The following TANGO6 variants were observed in gnomAD, a reference collection of about 807,000 sequenced individuals.
TANGO6 encodes transport and Golgi organization protein 6 homolog.
TANGO6 carries 90 observed loss-of-function variants against 114.2 expected under a neutral mutation model. The observed-to-expected ratio is 0.79, with a 90% CI of 0.66 to 0.94. TANGO6 has a LOEUF of 0.94. TANGO6 is among the 40% of genes least tolerant of loss of function. The pLI, the probability that TANGO6 is intolerant of heterozygous loss-of-function variation, is 0.00. For synonymous variants in TANGO6, 477 were observed against 509.8 expected (o/e 0.94, Z 0.87); for missense variants, 1,274 against 1,315.3 (o/e 0.97, Z 0.49).
chr16:68,973,775 T>C (rs1285749817), intron 14 of TANGO6: 2 of 493,096 alleles, frequency 4.1e-6, no homozygotes, highest in African/African-American at 3.8e-5. Flanking sequence ...GCCTGGATCA[T>C]AGAACGTCAG....
chr16:68,963,166 G>A (rs2152209618), intron 14 of TANGO6, among the ~76,000 whole-genome samples: 2 of 149,734 alleles, frequency 1.3e-5, no homozygotes, highest in South Asian at 4.2e-4. Context: ...ACCTCACCCA[G>A]GATACAGTGC....
At chr16:68,902,577 C>G in intron 9 of TANGO6, 73 bp downstream of exon 9, 1 of 1,334,284 alleles carries the variant, frequency 7.5e-7, no homozygotes, top group Non-Finnish European at 9.9e-7. Flanking sequence ...GATTCAACCA[C>G]TAAGGGGCGC....
At chr16:68,980,409 C>CTCTCTCTCTCTCTCTCTA (rs1408626276) in intron 15 of TANGO6, among the ~76,000 whole-genome samples, 7 of 67,984 alleles carry the variant, frequency 1.0e-4, no homozygotes, top group Admixed American at 1.8e-4. Flanking sequence ...CTCTCTCTCT[C>CTCTCTCTCTCTCTCTCTA]TATATATATA....
intron 7 of TANGO6, among the ~76,000 whole-genome samples, chr16:68,890,303 G>A (rs929675250): frequency 1.3e-5 from 2 of 152,160 alleles, no homozygotes; most frequent in Non-Finnish European, 2.9e-5. Context: ...ACATTTGTAT[G>A]GGGTATATAT....
intron 17 of TANGO6, among the ~76,000 whole-genome samples, chr16:69,072,188 T>G (rs575088693): frequency 3.9e-4 from 59 of 151,446 alleles, no homozygotes; most frequent in Middle Eastern, 3.4e-3. Flanking sequence ...TGATAAAGAA[T>G]CTGAACGCCA....
chr16:68,944,520 C>G (rs1332910251), intron 14 of TANGO6, among the ~76,000 whole-genome samples: 1 of 151,974 alleles, frequency 6.6e-6, no homozygotes, highest in Non-Finnish European at 1.5e-5. Context: ...AGAGAGAGAC[C>G]CCCCTCCAAA....
chr16:69,007,949 C>A (rs1428297306), intron 15 of TANGO6, among the ~76,000 whole-genome samples: 1 of 152,044 alleles, frequency 6.6e-6, no homozygotes, highest in African/African-American at 2.4e-5. Context: ...CATATATCTT[C>A]TTTGGAGAAA....
chr16:69,015,571 T>A (rs1178532241), intron 15 of TANGO6, among the ~76,000 whole-genome samples: 23 of 151,932 alleles, frequency 1.5e-4, no homozygotes, highest in Admixed American at 1.5e-3. Flanking sequence ...AAGCTCCACC[T>A]CCTGGGTTCA....
intron 14 of TANGO6, among the ~76,000 whole-genome samples, chr16:68,952,218 G>A (rs1033236004): frequency 6.6e-6 from 1 of 152,196 alleles, no homozygotes; most frequent in African/African-American, 2.4e-5. Flanking sequence ...CTCTAGTAAA[G>A]TTGGAATTTG....
chr16:69,048,004 A>G (rs1959889315), intron 17 of TANGO6, among the ~76,000 whole-genome samples: 1 of 152,144 alleles, frequency 6.6e-6, no homozygotes, highest in East Asian at 1.9e-4. Flanking sequence ...AAATGATAAA[A>G]AGTCTTAACA....
At chr16:69,058,708 C>G (rs928145254) in intron 17 of TANGO6, among the ~76,000 whole-genome samples, 1 of 152,184 alleles carries the variant, frequency 6.6e-6, no homozygotes, top group Admixed American at 6.5e-5. Context: ...CTCTGTCACC[C>G]AGGCTGGAGT....
intron 15 of TANGO6, among the ~76,000 whole-genome samples, chr16:68,994,634 G>A (rs1963974716): frequency 6.6e-6 from 1 of 151,142 alleles, no homozygotes; most frequent in Admixed American, 6.6e-5. Context: ...GAGTGCAGTG[G>A]CACTATCATG....
At chr16:68,954,550 T>A (rs1320390074) in intron 14 of TANGO6, among the ~76,000 whole-genome samples, 1 of 152,250 alleles carries the variant, frequency 6.6e-6, no homozygotes, top group African/African-American at 2.4e-5. Context: ...TGTCAGGCTA[T>A]GTACGTGCCT....
At chr16:68,963,111 T>G (rs543414930) in intron 14 of TANGO6, among the ~76,000 whole-genome samples, 1 of 145,118 alleles carries the variant, frequency 6.9e-6, no homozygotes, top group Non-Finnish European at 1.5e-5. Context: ...AAAAAAAGCT[T>G]GTCCTTGTGC....
intron 17 of TANGO6, among the ~76,000 whole-genome samples, chr16:69,055,145 A>G (rs1315011796): frequency 6.6e-6 from 1 of 151,994 alleles, no homozygotes; most frequent in Non-Finnish European, 1.5e-5. Flanking sequence ...ATCAATGGAG[A>G]AAGTAGGTAT....
At chr16:69,028,856 C>CAAAAA (rs397761274) in intron 16 of TANGO6, among the ~76,000 whole-genome samples, 2 of 65,510 alleles carry the variant, frequency 3.1e-5, no homozygotes, top group Non-Finnish European at 6.7e-5. Flanking sequence ...CCCAGTTTAA[C>CAAAAA]AAAAAAAAAA....
At chr16:69,076,279 A>T (rs1276085897) in intron 17 of TANGO6, among the ~76,000 whole-genome samples, 11 of 151,122 alleles carry the variant, frequency 7.3e-5, no homozygotes, top group Non-Finnish European at 7.4e-5. Context: ...TTTAGTAGAG[A>T]CGGGGTTTCA....
At position 69,084,737 on chromosome 16, in the gene TANGO6, A is replaced by G. The variant is rs1220809794; in HGVS notation, c.*1076A>G. 1 of 152,368 alleles carries G rather than the reference A, an allele frequency of 6.6e-6. No homozygotes were observed. Among genetic ancestry groups the G allele is most frequent in the Non-Finnish European group, 1.5e-5 (1 of 68,054 alleles). 9.4% of individuals were successfully genotyped at this position (152,368 alleles called of 1,614,324 possible). Reference sequence around the variant, plus strand: ...ATGCTTGATCAGTCCTCAGCTTTGCAGGGCTAGGTACAGAATTTTATCACA... The same window carrying G: ...ATGCTTGATCAGTCCTCAGCTTTGCGGGGCTAGGTACAGAATTTTATCACA... On this transcript the variant is annotated 3_prime_UTR_variant, in exon 18 of 18. Coordinates refer to ENST00000261778, the MANE Select transcript of TANGO6 (RefSeq NM_024562.2).
Position 68,911,165 on chromosome 16 carries a change from T to C in TANGO6, c.1992+1763T>C, listed in dbSNP as rs753267730. Among the ~76,000 whole-genome samples, 146 of 152,158 alleles carry C rather than the reference T, an allele frequency of 9.6e-4. 2 individuals carry two copies. The highest frequency in any genetic ancestry group is 1.4e-3 in the Non-Finnish European group (97 of 68,000). ...ACAGAGTCTCACTATCAGCCCAGGC[T>C]GGACTTGAATTCCTGGGCTCAAGTG... is the stretch of plus-strand genomic sequence containing the variant. On this transcript the variant is annotated intron_variant, in intron 11 of 17. Transcript: ENST00000261778.
Sources: allele counts gnomAD v4.1 joint callset (sites outside exome capture counted in the v4.1 genomes callset), GRCh38; gene constraint gnomAD v4.1.1; transcripts MANE v1.5; gene names NCBI Gene and HGNC (gene_info 2026-07-23, HGNC 2026-07-21).